The following ZNF609 variants were observed in gnomAD, a reference collection of about 807,000 sequenced individuals.
ZNF609 encodes the protein zinc finger protein 609.
In ZNF609, 11 loss-of-function variants were observed where a neutral mutation model predicts 109.5. The ratio of observed to expected loss-of-function variants is 0.10; its 90% CI spans 0.06 to 0.17. The LOEUF is 0.17. Among genes scored for constraint, ZNF609 ranks in the 10% least tolerant of loss-of-function variants. The probability of loss-of-function intolerance (pLI) is 1.00; values close to 1 mark genes in which losing one functional copy is unlikely to be tolerated. For synonymous variants in ZNF609, 646 were observed against 662.0 expected (o/e 0.98, Z 0.37); for missense variants, 1,559 against 1,772.4 (o/e 0.88, Z 2.16).
At chr15:64,498,240 G>A (rs1474812594) in intron 1 of ZNF609, among the ~76,000 whole-genome samples, 1 of 152,086 alleles carries the variant, frequency 6.6e-6, no homozygotes, top group Non-Finnish European at 1.5e-5. Context: ...AGTAGAGACG[G>A]GGTTTCACCA....
intron 2 of ZNF609, among the ~76,000 whole-genome samples, chr15:64,526,516 ACTT>A (rs748412773): frequency 3.3e-5 from 5 of 152,176 alleles, no homozygotes; most frequent in African/African-American, 1.2e-4. Context: ...GACATCCTTA[ACTT>A]CTTCACTGAT....
rs71133451 is a variant in ZNF609 at position 64,588,442 on chromosome 15, A to AAAAAGAAAAAAAAAAG, written c.748-34383_748-34382insAAGAAAAAAAAAAGAA. ...CACTCTGTCTAAAAAAAAAAAAAAA[A>AAAAAGAAAAAAAAAAG]AAGAAGAGGAAGACTGTACAGACTA... is the stretch of plus-strand genomic sequence containing the variant. On this transcript the variant is annotated intron_variant, in intron 2 of 9. Transcript: ENST00000326648. Among the ~76,000 whole-genome samples, 2 of 75,272 alleles carry AAAAAGAAAAAAAAAAG rather than the reference A, an allele frequency of 2.7e-5. 1 individual carries two copies. Among genetic ancestry groups the AAAAAGAAAAAAAAAAG allele is most frequent in the Non-Finnish European group, 4.7e-5 (2 of 42,972 alleles). The allele number at this position is 75,272 out of a possible 152,430, so 49.4% of individuals were successfully genotyped here.
chr15:64,620,800 T>G (rs1895864981), intron 2 of ZNF609, among the ~76,000 whole-genome samples: 1 of 152,156 alleles, frequency 6.6e-6, no homozygotes, highest in Admixed American at 6.5e-5. Flanking sequence ...GAGCCAACTG[T>G]GGAGAATGGA....
intron 2 of ZNF609, among the ~76,000 whole-genome samples, chr15:64,535,378 C>G (rs1240284020): frequency 3.4e-4 from 51 of 152,106 alleles, no homozygotes; most frequent in Admixed American, 3.3e-3. Context: ...CCATATGTAA[C>G]CTTCTGGGAT....
At chr15:64,602,889 A>ATTTTTTTTTTTTTTTTTTTTT (rs10600562) in intron 2 of ZNF609, among the ~76,000 whole-genome samples, 19 of 75,172 alleles carry the variant, frequency 2.5e-4, no homozygotes, top group Non-Finnish European at 3.7e-4. Context: ...CTCTGGGCTA[A>ATTTTTTTTTTTTTTTTTTTTT]TTTTTTTTTT....
intron 2 of ZNF609, among the ~76,000 whole-genome samples, chr15:64,534,890 G>A (rs757347895): frequency 1.3e-5 from 2 of 151,808 alleles, no homozygotes; most frequent in Non-Finnish European, 2.9e-5. Context: ...AAAATTAGAC[G>A]GGCATGGTGG....
At chr15:64,575,272 A>T (rs900450727) in intron 2 of ZNF609, among the ~76,000 whole-genome samples, 6 of 152,096 alleles carry the variant, frequency 3.9e-5, no homozygotes, top group Admixed American at 3.9e-4. Flanking sequence ...TAAAAATACA[A>T]AATTATCTGG....
intron 2 of ZNF609, among the ~76,000 whole-genome samples, chr15:64,570,673 T>C (rs1363401620): frequency 6.6e-6 from 1 of 152,214 alleles, no homozygotes; most frequent in East Asian, 1.9e-4. Context: ...GATACTAATA[T>C]TATCACGATG....
intron 1 of ZNF609, among the ~76,000 whole-genome samples, chr15:64,467,823 A>G (rs1310516181): frequency 6.6e-6 from 1 of 152,188 alleles, no homozygotes; most frequent in African/African-American, 2.4e-5. Context: ...CCAGTCTGGC[A>G]ACAGAGCAAG....
chr15:64,557,848 C>G (rs551604138), intron 2 of ZNF609, among the ~76,000 whole-genome samples: 2 of 152,098 alleles, frequency 1.3e-5, no homozygotes, highest in East Asian at 1.9e-4. Flanking sequence ...AGGCGCCCAC[C>G]ACCGCACCTG....
rs576388446 is a variant in ZNF609 at position 64,471,732 on chromosome 15, C to T, written c.-128+10894C>T. Among the ~76,000 whole-genome samples the T allele has an allele frequency of 1.6e-3, 234 of 150,618 alleles. 1 individual carries two copies. Among genetic ancestry groups the T allele is most frequent in the Middle Eastern group, 3.5e-3 (1 of 286 alleles). ...CTGAGTAGGTGGCATTACAGGCATG[C>T]GGCACCACGCCTGGCTAATTTTTTA... is the stretch of plus-strand genomic sequence containing the variant. On this transcript the variant is annotated intron_variant, in intron 1 of 9. Coordinates refer to ENST00000326648, the MANE Select transcript of ZNF609 (RefSeq NM_015042.2).
At chr15:64,520,583 CT>C (rs1481369867) in intron 2 of ZNF609, among the ~76,000 whole-genome samples, 1 of 151,898 alleles carries the variant, frequency 6.6e-6, no homozygotes, top group South Asian at 2.1e-4. Context: ...CTCTATTTTT[CT>C]TTTTGTTTTT....
At chr15:64,602,150 C>T (rs1428448250) in intron 2 of ZNF609, among the ~76,000 whole-genome samples, 1 of 152,052 alleles carries the variant, frequency 6.6e-6, no homozygotes. Context: ...TACAGTTTAG[C>T]TTTTGGGCCC....
intron 2 of ZNF609, among the ~76,000 whole-genome samples, chr15:64,548,350 C>T (rs1894402937): frequency 6.6e-6 from 1 of 152,168 alleles, no homozygotes; most frequent in East Asian, 1.9e-4. Flanking sequence ...TACTCGTGTA[C>T]ACTCTAACAA....
At chr15:64,626,506 A>G (rs1895965341) in intron 3 of ZNF609, among the ~76,000 whole-genome samples, 1 of 151,960 alleles carries the variant, frequency 6.6e-6, no homozygotes, top group African/African-American at 2.4e-5. Flanking sequence ...CTCTTTGTCC[A>G]GCAAACTACA....
Position 64,499,801 on chromosome 15 carries a change from G to A in ZNF609, c.382G>A (p.Gly128Ser), listed in dbSNP as rs1034763383. 2 of 1,613,974 alleles carry A rather than the reference G, an allele frequency of 1.2e-6. No individual in the cohort carries two copies. The highest frequency in any genetic ancestry group is 1.7e-6 in the Non-Finnish European group (2 of 1,180,022). ...KKEVQGRSGD[G>S]ANAGGLVAAI... Reference sequence around the variant, plus strand: ...AGAGGTGCAGGGGCGCTCAGGAGATGGTGCCAATGCTGGAGGCCTGGTTGC... The same window carrying A: ...AGAGGTGCAGGGGCGCTCAGGAGATAGTGCCAATGCTGGAGGCCTGGTTGC... The change falls in exon 2 of 10, where the codon GGT becomes AGT. Residue 128 changes from glycine (G) to serine (S), a missense_variant. Physicochemically the swap from Gly to Ser is moderately conservative, Grantham distance 56 (BLOSUM62 0). Around this residue, in one of 4 missense-constraint regions of ZNF609, gnomAD observed 291 missense variants for 317.8 expected, o/e 0.92. Transcript: ENST00000326648.
At chr15:64,544,010 T>C (rs1860914209) in intron 2 of ZNF609, among the ~76,000 whole-genome samples, 1 of 152,116 alleles carries the variant, frequency 6.6e-6, no homozygotes, top group Non-Finnish European at 1.5e-5. Context: ...CTCTCATTTA[T>C]GTTAAAAAGA....
intron 2 of ZNF609, among the ~76,000 whole-genome samples, chr15:64,600,311 A>G (rs1180809284): frequency 2.6e-5 from 4 of 151,906 alleles, no homozygotes; most frequent in South Asian, 2.1e-4. Context: ...TTAGCTGAGC[A>G]TGGTGGCGGG....
chr15:64,553,580 T>A (rs1356622463), intron 2 of ZNF609, among the ~76,000 whole-genome samples: 1 of 151,114 alleles, frequency 6.6e-6, no homozygotes, highest in Non-Finnish European at 1.5e-5. Flanking sequence ...AATTTTATTT[T>A]TTATTTTTAT....
Sources: allele counts gnomAD v4.1 joint callset (sites outside exome capture counted in the v4.1 genomes callset), GRCh38; gene constraint gnomAD v4.1.1; regional missense constraint gnomAD v4.1.1; transcripts MANE v1.5; gene names NCBI Gene and HGNC (gene_info 2026-07-23, HGNC 2026-07-21).